Variants in RCSD1 observed in about 807,000 individuals in gnomAD.
RCSD1 encodes RCSD domain containing 1.
A neutral mutation model predicts 42.5 loss-of-function variants in RCSD1; 26 were observed. The ratio of observed to expected loss-of-function variants is 0.61; its 90% CI spans 0.45 to 0.85. The LOEUF (loss-of-function observed/expected upper bound fraction) is 0.85, where lower values mean the gene tolerates loss of function less well. Ranked by LOEUF, RCSD1 falls within the 40% of genes least tolerant of loss-of-function variation. RCSD1 has a pLI of 0.00. For synonymous variants in RCSD1, 220 were observed against 212.2 expected (o/e 1.04, Z -0.32); for missense variants, 571 against 528.3 (o/e 1.08, Z -0.79).
chr1:167,650,094 G>A (rs904009122), intron 1 of RCSD1, among the ~76,000 whole-genome samples: 1 of 152,156 alleles, frequency 6.6e-6, no homozygotes, highest in African/African-American at 2.4e-5. Context: ...AAGATTTGGG[G>A]GCCTCACCGG....
At chr1:167,668,253 C>T (rs1658708310) in intron 1 of RCSD1, among the ~76,000 whole-genome samples, 1 of 152,088 alleles carries the variant, frequency 6.6e-6, no homozygotes, top group South Asian at 2.1e-4. Context: ...CCAATGCACT[C>T]CAGCCTGGGC....
intron 5 of RCSD1, among the ~76,000 whole-genome samples, chr1:167,695,550 T>G (rs1307386099): frequency 6.6e-6 from 1 of 152,070 alleles, no homozygotes; most frequent in African/African-American, 2.4e-5. Context: ...TTTTTTTTTT[T>G]TTTTTTGAGG....
chr1:167,698,461 C>T (rs1243235508), intron 6 of RCSD1, among the ~76,000 whole-genome samples: 7 of 152,152 alleles, frequency 4.6e-5, no homozygotes, highest in Non-Finnish European at 1.0e-4. Context: ...GGGACGTTCA[C>T]TCTCTCTCAG....
chr1:167,637,207 G>C (rs1417907963), intron 1 of RCSD1, among the ~76,000 whole-genome samples: 1 of 152,176 alleles, frequency 6.6e-6, no homozygotes, highest in East Asian at 1.9e-4. Flanking sequence ...CAAGAGCAAA[G>C]CTACTGGTGC....
intron 1 of RCSD1, among the ~76,000 whole-genome samples, chr1:167,652,731 C>T (rs1209422769): frequency 6.6e-6 from 1 of 152,046 alleles, no homozygotes; most frequent in Admixed American, 6.5e-5. Flanking sequence ...TAGCCTTTTT[C>T]TTGTTTCATA....
chr1:167,668,636 G>T (rs577854134), intron 1 of RCSD1, among the ~76,000 whole-genome samples: 1 of 151,740 alleles, frequency 6.6e-6, no homozygotes, highest in Non-Finnish European at 1.5e-5. Context: ...CCTCCATTAT[G>T]AAAGGACTCT....
At chr1:167,635,359 G>GC (rs1657811816) in intron 1 of RCSD1, among the ~76,000 whole-genome samples, 1 of 152,114 alleles carries the variant, frequency 6.6e-6, no homozygotes. Context: ...CCTCACACTG[G>GC]CCCCCACTCA....
intron 1 of RCSD1, chr1:167,664,575 A>C (rs540775400): frequency 6.6e-6 from 1 of 152,352 alleles, no homozygotes; most frequent in South Asian, 2.1e-4. Flanking sequence ...ACAGTCATAT[A>C]GCCACCACCA....
At chr1:167,685,392 T>C in intron 2 of RCSD1, 29 bp from the exon 3 acceptor site, 8 of 1,587,864 alleles carry the variant, frequency 5.0e-6, no homozygotes, top group Non-Finnish European at 6.9e-6. Flanking sequence ...TCTTTTTCTC[T>C]GTGTGTCTGT....
intron 1 of RCSD1, among the ~76,000 whole-genome samples, chr1:167,667,283 T>C (rs986389997): frequency 6.6e-6 from 1 of 152,226 alleles, no homozygotes; most frequent in African/African-American, 2.4e-5. Context: ...CTTGGAGGCA[T>C]GGAGCCTCTC....
intron 6 of RCSD1, 109 bp downstream of exon 6, chr1:167,697,951 G>C: frequency 7.9e-7 from 1 of 1,264,514 alleles, no homozygotes; most frequent in Non-Finnish European, 1.0e-6. Context: ...TCGACATGCA[G>C]AAACAAAGGT....
chr1:167,685,723 C>T (rs570696690), intron 3 of RCSD1, among the ~76,000 whole-genome samples: 1 of 152,264 alleles, frequency 6.6e-6, no homozygotes, highest in African/African-American at 2.4e-5. Context: ...TACTGAGGCT[C>T]CTTTATGATT....
chr1:167,633,969 A>G (rs1220820243), intron 1 of RCSD1, among the ~76,000 whole-genome samples: 1 of 152,214 alleles, frequency 6.6e-6, no homozygotes, highest in Non-Finnish European at 1.5e-5. Context: ...AAATGGCAGT[A>G]CCAACTTTTA....
At position 167,704,867 on chromosome 1, in the gene RCSD1, G is replaced by A. The variant is rs183191549; in HGVS notation, c.*171G>A. On this transcript the variant is annotated 3_prime_UTR_variant, in exon 7 of 7. Coordinates refer to ENST00000367854, the MANE Select transcript of RCSD1 (RefSeq NM_052862.4). ...TTATTTCCTGGCCTCCACACCAAAC[G>A]TTCCCTTGCAGATGGAGACTGAATC... The A allele has an allele frequency of 5.8e-5, 35 of 604,374 alleles. No homozygotes were observed. The highest frequency in any genetic ancestry group is 4.6e-4 in the African/African-American group (25 of 54,424). 37.4% of individuals were successfully genotyped at this position (604,374 alleles called of 1,614,324 possible).
chr1:167,699,651 C>G (rs1659592327), intron 6 of RCSD1, among the ~76,000 whole-genome samples: 1 of 152,130 alleles, frequency 6.6e-6, no homozygotes, highest in Non-Finnish European at 1.5e-5. Context: ...TGCAAAGAAC[C>G]TTTTTCCAAA....
At chr1:167,643,120 G>T (rs2102200125) in intron 1 of RCSD1, among the ~76,000 whole-genome samples, 1 of 152,336 alleles carries the variant, frequency 6.6e-6, no homozygotes, top group Non-Finnish European at 1.5e-5. Flanking sequence ...TGAAAAGGAA[G>T]TAAGATTATG....
chr1:167,681,727 A>G (rs2102229866), intron 1 of RCSD1, among the ~76,000 whole-genome samples: 1 of 152,358 alleles, frequency 6.6e-6, no homozygotes. Context: ...AGCAGGGGAC[A>G]GAGAGACTGA....
rs1397256865 is a variant in RCSD1 at position 167,707,955 on chromosome 1, C to T, written c.*3259C>T. Among the ~76,000 whole-genome samples, 1 of 152,170 alleles carries T rather than the reference C, an allele frequency of 6.6e-6. No individual in the cohort carries two copies. Among genetic ancestry groups the T allele is most frequent in the African/African-American group, 2.4e-5 (1 of 41,426 alleles). ...TAGTGATCTGCCTGCCTCGGTCTCC[C>T]AAAGTGGGATTACAGGCATGAACCA... On this transcript the variant is annotated 3_prime_UTR_variant, in exon 7 of 7. Transcript: ENST00000367854.
At chr1:167,700,915 T>C (rs1399017999) in intron 6 of RCSD1, among the ~76,000 whole-genome samples, 1 of 152,166 alleles carries the variant, frequency 6.6e-6, no homozygotes, top group African/African-American at 2.4e-5. Flanking sequence ...CTTCCAATCC[T>C]GAAGGGTTGA....
Sources: gnomAD v4.1 joint callset for allele counts (sites outside exome capture counted in the v4.1 genomes callset) on GRCh38, gnomAD v4.1.1 for gene constraint, MANE v1.5 for transcripts, NCBI Gene and HGNC (gene_info 2026-07-23, HGNC 2026-07-21) for gene names.